Variants in USP37 observed in about 807,000 individuals in gnomAD.
The protein encoded by USP37 is ubiquitin carboxyl-terminal hydrolase 37.
USP37 carries 27 observed loss-of-function variants against 124.0 expected under a neutral mutation model. The observed-to-expected ratio is 0.22, with a 90% CI of 0.16 to 0.30. USP37 has a LOEUF of 0.30. Among genes scored for constraint, USP37 ranks in the 10% least tolerant of loss-of-function variants. The probability of loss-of-function intolerance (pLI) is 1.00; values close to 1 mark genes in which losing one functional copy is unlikely to be tolerated. For missense variants in USP37, 889 were observed against 1,140.4 expected (o/e 0.78, Z 3.17); for synonymous variants, 365 against 388.0 (o/e 0.94, Z 0.70).
At chr2:218,464,837 C>T (rs1690223397) in intron 21 of USP37, among the ~76,000 whole-genome samples, 1 of 152,168 alleles carries the variant, frequency 6.6e-6, no homozygotes, top group African/African-American at 2.4e-5. Flanking sequence ...AATCCCAGCA[C>T]TTTGGGAGGT....
intron 10 of USP37, among the ~76,000 whole-genome samples, chr2:218,527,086 C>A (rs961826634): frequency 6.6e-6 from 1 of 152,222 alleles, no homozygotes; most frequent in Non-Finnish European, 1.5e-5. Flanking sequence ...CCGCGCCCGG[C>A]CTGCTTTTAT....
Position 218,515,575 on chromosome 2 carries a change from A to G in USP37, c.864-5435T>C, listed in dbSNP as rs117300076. Among the ~76,000 whole-genome samples, 233 of 152,306 alleles carry G rather than the reference A, an allele frequency of 1.5e-3. 9 individuals are homozygous for G. The East Asian group carries it at 0.04, about 26-fold the overall frequency. On this transcript the variant is annotated intron_variant, in intron 10 of 25. Coordinates refer to ENST00000258399, the MANE Select transcript of USP37 (RefSeq NM_020935.3). Reference sequence around the variant, plus strand: ...GATGGATTAAACACTTAAACGTAAAACCTAAATCCATAAAAACCACAGAAG... The same window carrying G: ...GATGGATTAAACACTTAAACGTAAAGCCTAAATCCATAAAAACCACAGAAG...
intron 10 of USP37, among the ~76,000 whole-genome samples, chr2:218,517,181 C>T (rs1156441563): frequency 3.3e-5 from 5 of 152,184 alleles, no homozygotes; most frequent in African/African-American, 1.2e-4. Flanking sequence ...ATGAAAGAAA[C>T]TAGGAACAAT....
At chr2:218,543,886 A>C (rs1417113129) in intron 8 of USP37, among the ~76,000 whole-genome samples, 1 of 152,202 alleles carries the variant, frequency 6.6e-6, no homozygotes, top group Non-Finnish European at 1.5e-5. Context: ...ATTGTCTGGT[A>C]ATTTGAAACC....
At chr2:218,510,340 T>C (rs1024942464) in intron 10 of USP37, among the ~76,000 whole-genome samples, 200 bp from the exon 11 acceptor site, 2 of 152,180 alleles carry the variant, frequency 1.3e-5, no homozygotes, top group Non-Finnish European at 2.9e-5. Flanking sequence ...AGGGTTATAA[T>C]ACAGAACATA....
At chr2:218,526,784 G>GTTTTT (rs1491291222) in intron 10 of USP37, among the ~76,000 whole-genome samples, 6 of 54,226 alleles carry the variant, frequency 1.1e-4, no homozygotes, top group African/African-American at 4.1e-4. Flanking sequence ...CATTTCATTT[G>GTTTTT]CTTTTTTTTT....
chr2:218,524,876 C>T (rs1022383523), intron 10 of USP37, among the ~76,000 whole-genome samples: 1 of 152,212 alleles, frequency 6.6e-6, no homozygotes, highest in Admixed American at 6.5e-5. Context: ...TCCCAAAGTA[C>T]TGGGGTTACA....
chr2:218,544,029 C>T (rs1293199590), intron 8 of USP37, among the ~76,000 whole-genome samples: 1 of 151,902 alleles, frequency 6.6e-6, no homozygotes, highest in Admixed American at 6.5e-5. Flanking sequence ...TATACAGGAA[C>T]ATTCTATGTT....
At chr2:218,518,194 A>G (rs1243617161) in intron 10 of USP37, among the ~76,000 whole-genome samples, 1 of 152,170 alleles carries the variant, frequency 6.6e-6, no homozygotes, top group East Asian at 1.9e-4. Context: ...TTTATGCTGG[A>G]AAAAAAATCC....
chr2:218,557,492 T>C (rs1194271894), intron 4 of USP37, among the ~76,000 whole-genome samples: 1 of 151,870 alleles, frequency 6.6e-6, no homozygotes, highest in Non-Finnish European at 1.5e-5. Context: ...CACGAAATCA[T>C]AGGCAATCTA....
chr2:218,544,430 T>TATATATATAGAG (rs377397246), intron 8 of USP37, among the ~76,000 whole-genome samples: 1 of 50,806 alleles, frequency 2.0e-5, no homozygotes, highest in African/African-American at 1.3e-4. Context: ...TATATATATA[T>TATATATATAGAG]AGAGAGAGAG....
Position 218,482,211 on chromosome 2 carries a change from C to T in USP37, c.1694G>A (p.Arg565Gln). 1.2e-6 allele frequency: 2 copies of T among 1,612,512 alleles called. No homozygotes were observed. Among genetic ancestry groups the T allele is most frequent in the Non-Finnish European group, 1.7e-6 (2 of 1,179,076 alleles). Residue 565 changes from arginine to glutamine, a missense_variant, in exon 17 of 26, where the codon CGA becomes CAA. Transcript: ENST00000258399. ...CGAGAGAGCCACATTGAAGCTATAT[C>T]GTTTCAAATGGAGAATGAGGACCCT... ...LPRVLILHLK[R>Q]YSFNVALSLN...
At position 218,558,742 on chromosome 2, in the gene USP37, T is replaced by G. The variant is rs149225078; in HGVS notation, c.-24-65A>C. ...TCTAAGGAAGAAAAATAAGATAAGT[T>G]ATAACTTACTAGTAATTAATTTCTA... On this transcript the variant is annotated intron_variant, in intron 3 of 25. Transcript: ENST00000258399. 20 of 1,206,082 alleles carry G rather than the reference T, an allele frequency of 1.7e-5. No individual in the cohort carries two copies. The East Asian group carries it at 4.5e-4, about 27-fold the overall frequency. The allele number at this position is 1,206,082 out of a possible 1,614,324, so 74.7% of individuals were successfully genotyped here.
At chr2:218,463,955 A>T (rs1690172868) in intron 21 of USP37, among the ~76,000 whole-genome samples, 1 of 148,236 alleles carries the variant, frequency 6.7e-6, no homozygotes. Flanking sequence ...TCCCAGGTTC[A>T]AGCGATTCTC....
intron 7 of USP37, 59 bp downstream of exon 7, chr2:218,546,859 TA>T: frequency 1.3e-6 from 2 of 1,551,196 alleles, no homozygotes; most frequent in South Asian, 2.4e-5. Flanking sequence ...CTGGTATTTC[TA>T]AAAGGCCTAA....
At chr2:218,531,238 G>A (rs1284058166) in intron 9 of USP37, among the ~76,000 whole-genome samples, 1 of 152,188 alleles carries the variant, frequency 6.6e-6, no homozygotes, top group Non-Finnish European at 1.5e-5. Flanking sequence ...TGTGGCTGAG[G>A]ACTTGAAGCT....
chr2:218,531,174 A>C (rs1471132869), intron 9 of USP37, among the ~76,000 whole-genome samples: 1 of 152,232 alleles, frequency 6.6e-6, no homozygotes, highest in Non-Finnish European at 1.5e-5. Context: ...GAGAGAAATC[A>C]ATGCCTAGCT....
At position 218,550,160 on chromosome 2, in the gene USP37, C is replaced by T. The variant is rs1030358894; in HGVS notation, c.329-251G>A. 3.3e-5 allele frequency among the ~76,000 whole-genome samples: 5 copies of T among 151,602 alleles called. No individual in the cohort carries two copies. The East Asian group carries it at 9.6e-4, about 29-fold the overall frequency. ...ATACCTGAAAACATTTAATAGAAGG[C>T]TAAAATTTACAAAGCAAAAAAAAAG... is the stretch of plus-strand genomic sequence containing the variant. On this transcript the variant is annotated intron_variant, in intron 5 of 25. Coordinates refer to ENST00000258399, the MANE Select transcript of USP37 (RefSeq NM_020935.3).
chr2:218,476,859 T>C lies in USP37; in HGVS notation c.2024A>G (p.Gln675Arg). 1 of 1,600,756 alleles carries C rather than the reference T, an allele frequency of 6.2e-7. No individual in the cohort carries two copies. Among genetic ancestry groups the C allele is most frequent in the South Asian group, 1.1e-5 (1 of 88,150 alleles). ...RLCEMLGNEQ[Q>R]QEDLEKDSKL... ...ACTTACTTTTTCCAGGTCTTCCTGC[T>C]GCTGTTCGTTGCCTAACATTTCACA... The change falls in exon 19 of 26, where the codon CAG (glutamine) becomes CGG (arginine). Residue 675 changes from glutamine (Q) to arginine (R), a missense_variant. Around this residue, in one of 3 missense-constraint regions of USP37, gnomAD observed 504 missense variants for 714.3 expected, o/e 0.71. Transcript: ENST00000258399.
Sources: gnomAD v4.1 joint callset for allele counts (sites outside exome capture counted in the v4.1 genomes callset) on GRCh38, gnomAD v4.1.1 for gene constraint, gnomAD v4.1.1 regional missense constraint, MANE v1.5 for transcripts, NCBI Gene and HGNC (gene_info 2026-07-23, HGNC 2026-07-21) for gene names.